TMEM45A: variants seen among roughly 807,000 people sequenced by gnomAD.
The protein encoded by TMEM45A is DNA polymerase-transactivated protein 4.
In TMEM45A, 25 loss-of-function variants were observed where a neutral mutation model predicts 32.0. That is an observed-to-expected ratio of 0.78 (90% CI 0.57 to 1.09). The LOEUF (loss-of-function observed/expected upper bound fraction) is 1.09. Among genes scored for constraint, TMEM45A ranks in the 50% least tolerant of loss-of-function variants. The pLI is 0.00. For missense variants in TMEM45A, 302 were observed against 325.0 expected, an observed-to-expected ratio of 0.93 and a Z score of 0.54; for synonymous variants, 122 against 114.8, an observed-to-expected ratio of 1.06 and a Z score of -0.40.
At chr3:100,541,555 G>T (rs1400981126) in intron 1 of TMEM45A, among the ~76,000 whole-genome samples, 2 of 128,564 alleles carry the variant, frequency 1.6e-5, no homozygotes, top group Non-Finnish European at 3.1e-5. Context: ...CTGAGACAGG[G>T]TCTCACTCCT....
At chr3:100,573,680 A>G (rs1311231263) in intron 5 of TMEM45A, 1 of 152,142 alleles carries the variant, frequency 6.6e-6, no homozygotes, top group African/African-American at 2.4e-5. Context: ...GTCTTGTGCC[A>G]GTTTTCAAAG....
intron 5 of TMEM45A, chr3:100,571,806 G>T (rs1706567628): frequency 6.6e-6 from 1 of 152,030 alleles, no homozygotes; most frequent in African/African-American, 2.4e-5. Flanking sequence ...GTGTCCATGT[G>T]TTCTCATTGT....
intron 1 of TMEM45A, chr3:100,519,719 T>A (rs1452855160): frequency 9.0e-7 from 1 of 1,114,972 alleles, no homozygotes; most frequent in African/African-American, 1.6e-5. Context: ...ATTTATGACA[T>A]TGTGCAAGTA....
At chr3:100,574,941 A>T (rs1203246481) in intron 5 of TMEM45A, among the ~76,000 whole-genome samples, 1 of 152,210 alleles carries the variant, frequency 6.6e-6, no homozygotes, top group African/African-American at 2.4e-5. Flanking sequence ...AAACTTAAGC[A>T]ATAGCTTAAG....
At chr3:100,531,674 T>C (rs1421049215) in intron 1 of TMEM45A, among the ~76,000 whole-genome samples, 1 of 152,234 alleles carries the variant, frequency 6.6e-6, no homozygotes. Flanking sequence ...GGGCTTAATA[T>C]GCCAAATAAC....
chr3:100,547,185 G>A (rs867485535), intron 1 of TMEM45A, among the ~76,000 whole-genome samples: 2 of 151,956 alleles, frequency 1.3e-5, no homozygotes, highest in East Asian at 3.9e-4. Context: ...GCAGTGGTAC[G>A]ATCTTGGCTC....
At chr3:100,522,036 T>C (rs547254691) in intron 1 of TMEM45A, among the ~76,000 whole-genome samples, 4 of 152,180 alleles carry the variant, frequency 2.6e-5, no homozygotes, top group Admixed American at 2.0e-4. Context: ...CTGTCCAATA[T>C]TGAGTTCCAA....
chr3:100,537,827 A>C (rs1705772858), intron 1 of TMEM45A, among the ~76,000 whole-genome samples: 1 of 148,834 alleles, frequency 6.7e-6, no homozygotes, highest in South Asian at 2.1e-4. Context: ...CTGCTGATTC[A>C]GGTGTGGTCA....
chr3:100,530,223 G>C (rs915729564), intron 1 of TMEM45A, among the ~76,000 whole-genome samples: 1 of 152,204 alleles, frequency 6.6e-6, no homozygotes, highest in Non-Finnish European at 1.5e-5. Context: ...AAAAGGTTGT[G>C]TGTGGGATGT....
intron 4 of TMEM45A, among the ~76,000 whole-genome samples, chr3:100,563,879 C>T (rs1187226598): frequency 1.3e-5 from 2 of 152,174 alleles, no homozygotes; most frequent in African/African-American, 2.4e-5. Flanking sequence ...GCATTTTCCA[C>T]CTGCAGTTTC....
chr3:100,522,353 G>A (rs1289403192), intron 1 of TMEM45A, among the ~76,000 whole-genome samples: 2 of 152,166 alleles, frequency 1.3e-5, no homozygotes, highest in Non-Finnish European at 2.9e-5. Flanking sequence ...TGACAGTCTG[G>A]CACTTACTCT....
chr3:100,573,765 AT>A (rs1706622128), intron 5 of TMEM45A: 1 of 152,186 alleles, frequency 6.6e-6, no homozygotes. Flanking sequence ...TTATTTTGAG[AT>A]ACGTCCCATC....
chr3:100,516,803 T>C (rs1483824017), intron 1 of TMEM45A, among the ~76,000 whole-genome samples: 2 of 152,190 alleles, frequency 1.3e-5, no homozygotes, highest in Admixed American at 6.5e-5. Flanking sequence ...ATTTTTTTTT[T>C]CATAATGTGT....
chr3:100,533,194 C>T (rs922632679), intron 1 of TMEM45A, among the ~76,000 whole-genome samples: 1 of 151,882 alleles, frequency 6.6e-6, no homozygotes, highest in African/African-American at 2.4e-5. Flanking sequence ...AGATAGGGGA[C>T]CCATGGTTTC....
chr3:100,515,395 G>A (rs1401022400), intron 1 of TMEM45A, among the ~76,000 whole-genome samples: 19 of 147,704 alleles, frequency 1.3e-4, no homozygotes, highest in Non-Finnish European at 2.2e-4. Flanking sequence ...ACCAAACACC[G>A]CATATTCTCA....
At chr3:100,544,188 A>T (rs1705940956) in intron 1 of TMEM45A, among the ~76,000 whole-genome samples, 1 of 152,020 alleles carries the variant, frequency 6.6e-6, no homozygotes, top group Admixed American at 6.5e-5. Context: ...GGAGTGGTGG[A>T]TCCACAGTCT....
chr3:100,539,778 C>G (rs1705828382), intron 1 of TMEM45A, among the ~76,000 whole-genome samples: 1 of 152,160 alleles, frequency 6.6e-6, no homozygotes, highest in Non-Finnish European at 1.5e-5. Context: ...TTTACTTAGT[C>G]TACCAATTCA....
At chr3:100,493,126 T>C (rs1466823077) in intron 1 of TMEM45A, among the ~76,000 whole-genome samples, 198 bp downstream of exon 1, 2 of 94,862 alleles carry the variant, frequency 2.1e-5, no homozygotes, top group African/African-American at 5.8e-5. Flanking sequence ...TATTCTTTTT[T>C]TTTTTTTTTT....
chr3:100,556,861 A>G lies in TMEM45A; in HGVS notation c.292A>G (p.Met98Val). Residue 98 changes from methionine to valine, a missense_variant, in exon 3 of 6, where the codon ATG becomes GTG. By Grantham distance (21) the Met-to-Val change is conservative. Transcript: ENST00000323523. ...ACTCCTGGGCTGGCATCATTTCACC[A>G]TGTATTTCTTCTTTGGGCTGTTGGG... ...NQLLGWHHFT[M>V]YFFFGLLGVA... is the part of the protein sequence containing the mutation. The G allele has an allele frequency of 6.2e-7, 1 of 1,614,094 alleles. No homozygotes were observed.
Sources: allele counts gnomAD v4.1 joint callset (sites outside exome capture counted in the v4.1 genomes callset), GRCh38; gene constraint gnomAD v4.1.1; transcripts MANE v1.5; gene names NCBI Gene and HGNC (gene_info 2026-07-23, HGNC 2026-07-21).